TULP4: variants seen among roughly 807,000 people sequenced by gnomAD.
The protein encoded by TULP4 is tubby-related protein 4.
A neutral mutation model predicts 129.0 loss-of-function variants in TULP4; 16 were observed. The ratio of observed to expected loss-of-function variants is 0.12; its 90% CI spans 0.08 to 0.19. The LOEUF is 0.19. Ranked by LOEUF, TULP4 falls within the 10% of genes least tolerant of loss-of-function variation. The pLI is 1.00. For synonymous variants in TULP4, 998 were observed against 854.0 expected (o/e 1.17, Z -2.94); for missense variants, 1,842 against 2,059.1 (o/e 0.89, Z 2.04).
intron 1 of TULP4, among the ~76,000 whole-genome samples, chr6:158,395,668 C>CGAGGGGCG (rs1777695962): frequency 1.2e-5 from 1 of 83,060 alleles, no homozygotes; most frequent in Non-Finnish European, 2.4e-5. Context: ...AAGTGATGGG[C>CGAGGGGCG]GGGGGGGGGG....
intron 1 of TULP4, chr6:158,237,233 G>T: frequency 1.3e-6 from 1 of 789,830 alleles, no homozygotes; most frequent in Non-Finnish European, 2.1e-6. Context: ...AAAATATGGA[G>T]ATGAAGAGGG....
At chr6:158,431,793 G>C (rs1256801828) in intron 3 of TULP4, among the ~76,000 whole-genome samples, 1 of 152,112 alleles carries the variant, frequency 6.6e-6, no homozygotes, top group Non-Finnish European at 1.5e-5. Flanking sequence ...GAGTCGGTAG[G>C]ACAATGGCCA....
chr6:158,483,222 G>A lies in TULP4; in HGVS notation c.1486+1933G>A, dbSNP rs114491299. On this transcript the variant is annotated intron_variant, in intron 8 of 13. Coordinates refer to ENST00000367097, the MANE Select transcript of TULP4 (RefSeq NM_020245.5). Reference sequence around the variant, plus strand: ...TTAAATACCTGATGACAAAAATAGAGGATATGTCACAAGGCACAATATAAC... The same window carrying A: ...TTAAATACCTGATGACAAAAATAGAAGATATGTCACAAGGCACAATATAAC... Among the ~76,000 whole-genome samples, 880 of 152,260 alleles carry A rather than the reference G, an allele frequency of 5.8e-3. 10 individuals are homozygous for A. The highest frequency in any genetic ancestry group is 0.02 in the African/African-American group (838 of 41,542).
intron 1 of TULP4, among the ~76,000 whole-genome samples, chr6:158,273,952 G>A (rs1685574900): frequency 6.6e-6 from 1 of 152,104 alleles, no homozygotes; most frequent in South Asian, 2.1e-4. Context: ...CTTGCTCCAC[G>A]TCCCTCGGTT....
At chr6:158,430,632 C>T (rs1378895597) in intron 3 of TULP4, among the ~76,000 whole-genome samples, 1 of 151,964 alleles carries the variant, frequency 6.6e-6, no homozygotes, top group Non-Finnish European at 1.5e-5. Flanking sequence ...CCTGTAATGC[C>T]AGCTGCTTGG....
chr6:158,409,808 T>C (rs1366228771), intron 1 of TULP4, among the ~76,000 whole-genome samples: 2 of 152,346 alleles, frequency 1.3e-5, no homozygotes, highest in African/African-American at 2.4e-5. Context: ...TAGCAAAGTA[T>C]GTAAATGGGA....
chr6:158,283,518 T>C (rs1778792181), intron 1 of TULP4, among the ~76,000 whole-genome samples: 2 of 152,220 alleles, frequency 1.3e-5, no homozygotes, highest in African/African-American at 4.8e-5. Flanking sequence ...TTCCTTGTAC[T>C]TGGGGTTTCC....
chr6:158,336,358 T>A (rs1012657221), intron 1 of TULP4, among the ~76,000 whole-genome samples: 2 of 152,234 alleles, frequency 1.3e-5, no homozygotes, highest in Non-Finnish European at 2.9e-5. Context: ...ATATTACAAA[T>A]GTCTTCTCTC....
intron 3 of TULP4, among the ~76,000 whole-genome samples, chr6:158,436,065 C>T (rs117227804): frequency 0.057 from 8,688 of 152,128 alleles, 325 homozygotes; most frequent in Non-Finnish European, 0.085. Flanking sequence ...CACAGGCATG[C>T]GCCACCATGC....
At chr6:158,262,520 G>C (rs1778370195) in intron 1 of TULP4, among the ~76,000 whole-genome samples, 1 of 152,180 alleles carries the variant, frequency 6.6e-6, no homozygotes, top group South Asian at 2.1e-4. Flanking sequence ...GCTAGCTGCT[G>C]GGCACAATGG....
chr6:158,288,410 A>C (rs1778866129), intron 1 of TULP4, among the ~76,000 whole-genome samples: 1 of 152,088 alleles, frequency 6.6e-6, no homozygotes, highest in South Asian at 2.1e-4. Context: ...TTAATTCTTA[A>C]ATATGATGTT....
At chr6:158,254,776 A>G (rs988012277) in intron 1 of TULP4, among the ~76,000 whole-genome samples, 1 of 152,226 alleles carries the variant, frequency 6.6e-6, no homozygotes, top group African/African-American at 2.4e-5. Flanking sequence ...TCCTGATTAA[A>G]AACTCTGTGT....
intron 3 of TULP4, among the ~76,000 whole-genome samples, chr6:158,446,035 T>C (rs1779030019): frequency 6.6e-6 from 1 of 152,132 alleles, no homozygotes; most frequent in Admixed American, 6.5e-5. Flanking sequence ...TGACCAACAT[T>C]AGGGAGCAGA....
intron 1 of TULP4, among the ~76,000 whole-genome samples, chr6:158,380,887 C>A (rs1777305667): frequency 1.7e-5 from 1 of 59,312 alleles, no homozygotes. Context: ...GAGCAAGACT[C>A]TGTCTCCAAA....
At chr6:158,378,317 A>G (rs1260204071) in intron 1 of TULP4, among the ~76,000 whole-genome samples, 1 of 152,200 alleles carries the variant, frequency 6.6e-6, no homozygotes, top group African/African-American at 2.4e-5. Flanking sequence ...CATTTTTGCA[A>G]TCTGCAAAAT....
At chr6:158,414,647 A>G (rs530531796) in intron 2 of TULP4, among the ~76,000 whole-genome samples, 1 of 152,290 alleles carries the variant, frequency 6.6e-6, no homozygotes, top group African/African-American at 2.4e-5. Flanking sequence ...GTTGGCCTGT[A>G]AAGGTTCTAA....
intron 3 of TULP4, among the ~76,000 whole-genome samples, chr6:158,447,429 A>G (rs705957): frequency 0.62 from 94,910 of 152,070 alleles, 30,412 homozygotes; most frequent in African/African-American, 0.77. Context: ...CTTTTTTAGT[A>G]TTCATTCATT....
chr6:158,349,062 GCGGCCAGGCAGAGGCGC>G (rs1780405168), intron 1 of TULP4, among the ~76,000 whole-genome samples: 2 of 64,546 alleles, frequency 3.1e-5, no homozygotes, highest in African/African-American at 1.1e-4. Flanking sequence ...CCCAGACGGG[GCGGCCAGGCAGAGGCGC>G]TCCTCACTTC....
intron 1 of TULP4, among the ~76,000 whole-genome samples, chr6:158,361,080 T>C (rs1482393234): frequency 6.6e-6 from 1 of 152,240 alleles, no homozygotes; most frequent in African/African-American, 2.4e-5. Context: ...GTGATTGCTC[T>C]AAAGATTGTA....
Sources: gnomAD v4.1 joint callset for allele counts (sites outside exome capture counted in the v4.1 genomes callset) on GRCh38, gnomAD v4.1.1 for gene constraint, MANE v1.5 for transcripts, NCBI Gene and HGNC (gene_info 2026-07-23, HGNC 2026-07-21) for gene names.